ATP9B: variants seen among roughly 807,000 people sequenced by gnomAD.
ATP9B encodes ATPase phospholipid transporting 9B.
Under a neutral mutation model 146.1 loss-of-function variants are expected in ATP9B, and 110 were observed. The ratio of observed to expected loss-of-function variants is 0.75; its 90% CI spans 0.65 to 0.88. The LOEUF (loss-of-function observed/expected upper bound fraction) is 0.88. ATP9B is among the 40% of genes least tolerant of loss of function. ATP9B has a pLI of 0.00. For missense variants in ATP9B, 1,499 were observed against 1,496.4 expected, an observed-to-expected ratio of 1.00 and a Z score of -0.03; for synonymous variants, 604 against 569.7, an observed-to-expected ratio of 1.06 and a Z score of -0.86.
intron 9 of ATP9B, among the ~76,000 whole-genome samples, chr18:79,202,678 G>C (rs2095499439): frequency 6.6e-6 from 1 of 152,054 alleles, no homozygotes. Flanking sequence ...TCATGAGACT[G>C]GTAAAAAACT....
chr18:79,290,724 G>A (rs927270015), intron 13 of ATP9B, among the ~76,000 whole-genome samples: 3 of 152,250 alleles, frequency 2.0e-5, no homozygotes, highest in East Asian at 3.8e-4. Context: ...GCTGGGAGCT[G>A]TAGACTGGAG....
At chr18:79,319,912 G>T (rs777549565) in intron 15 of ATP9B, among the ~76,000 whole-genome samples, 2 of 152,080 alleles carry the variant, frequency 1.3e-5, no homozygotes, top group Non-Finnish European at 2.9e-5. Flanking sequence ...CAGGTGATTT[G>T]CATTTTATAT....
Position 79,147,392 on chromosome 18 carries a change from T to C in ATP9B, c.726+3532T>C, listed in dbSNP as rs115357663. Among the ~76,000 whole-genome samples the C allele has an allele frequency of 4.8e-3, 724 of 152,322 alleles. 5 individuals carry two copies. Among genetic ancestry groups the C allele is most frequent in the South Asian group, 0.024 (116 of 4,832 alleles). On this transcript the variant is annotated intron_variant, in intron 6 of 29. Coordinates refer to ENST00000426216, the MANE Select transcript of ATP9B (RefSeq NM_198531.5). ...GTACCTGTCAGTAGGAGAGAACACA[T>C]TTATTTCAAGTGTCTATAGAACATT... is the stretch of plus-strand genomic sequence containing the variant.
intron 12 of ATP9B, among the ~76,000 whole-genome samples, chr18:79,264,104 A>T (rs2096175869): frequency 6.6e-6 from 1 of 152,154 alleles, no homozygotes; most frequent in South Asian, 2.1e-4. Flanking sequence ...AAAAGGAAAA[A>T]AAAACATATC....
intron 5 of ATP9B, among the ~76,000 whole-genome samples, 184 bp from the exon 6 acceptor site, chr18:79,143,617 AT>A (rs2147422922): frequency 6.6e-6 from 1 of 152,318 alleles, no homozygotes; most frequent in Non-Finnish European, 1.5e-5. Context: ...ATAAAAAATT[AT>A]TTGTGTTTGG....
At chr18:79,199,459 T>A (rs1327413665) in intron 9 of ATP9B, among the ~76,000 whole-genome samples, 1 of 152,164 alleles carries the variant, frequency 6.6e-6, no homozygotes, top group East Asian at 1.9e-4. Flanking sequence ...TTAAACTTTT[T>A]TTTGTTAAAA....
rs943377721 is a variant in ATP9B at position 79,128,574 on chromosome 18, A to G, written c.667+2199A>G. Among the ~76,000 whole-genome samples, 5 of 152,294 alleles carry G rather than the reference A, an allele frequency of 3.3e-5. No homozygotes were observed. The East Asian group carries it at 9.7e-4, about 29-fold the overall frequency. On this transcript the variant is annotated intron_variant, in intron 5 of 29. Transcript: ENST00000426216. ...AGGTAAGCCTTAGTATTGGAGAAAA[A>G]AACCCCCAAATGGCCCGGTAAATTG... is the stretch of plus-strand genomic sequence containing the variant.
At chr18:79,226,079 T>A (rs1309300939) in intron 11 of ATP9B, among the ~76,000 whole-genome samples, 1 of 152,226 alleles carries the variant, frequency 6.6e-6, no homozygotes, top group Admixed American at 6.5e-5. Flanking sequence ...GAGTCCATAG[T>A]GCAGAGTTCA....
intron 17 of ATP9B, among the ~76,000 whole-genome samples, chr18:79,335,873 A>G (rs1175013323): frequency 6.6e-6 from 1 of 152,208 alleles, no homozygotes; most frequent in East Asian, 1.9e-4. Context: ...GTTTGCCCAA[A>G]AACACAAAGT....
chr18:79,377,390 G>A lies in ATP9B; in HGVS notation c.*7G>A. ...CTGCAAGCTGGCCTCCTAAGGGGCT[G>A]TGCACCCCCAGCGGGCTGGCCCCAG... On this transcript the variant is annotated 3_prime_UTR_variant, in exon 30 of 30. Coordinates refer to ENST00000426216, the MANE Select transcript of ATP9B (RefSeq NM_198531.5). 1.2e-6 allele frequency: 2 copies of A among 1,606,104 alleles called. No homozygotes were observed. The highest frequency in any genetic ancestry group is 1.1e-5 in the South Asian group (1 of 91,086).
intron 1 of ATP9B, among the ~76,000 whole-genome samples, chr18:79,076,665 T>A (rs2072656015): frequency 6.6e-6 from 1 of 152,212 alleles, no homozygotes; most frequent in African/African-American, 2.4e-5. Context: ...TAGGGTTTGC[T>A]TAGTATCCTA....
intron 26 of ATP9B, among the ~76,000 whole-genome samples, chr18:79,367,964 C>G (rs2097044954): frequency 6.6e-6 from 1 of 152,214 alleles, no homozygotes; most frequent in Non-Finnish European, 1.5e-5. Flanking sequence ...CTGTGTGGGG[C>G]CCTGGGCAGG....
At chr18:79,363,101 A>G (rs2097000189) in intron 26 of ATP9B, 1 of 152,230 alleles carries the variant, frequency 6.6e-6, no homozygotes. Flanking sequence ...ATTCCAAGGA[A>G]TCCACACACA....
chr18:79,256,272 T>TATATATATATATAC (rs1475593036), intron 12 of ATP9B, among the ~76,000 whole-genome samples: 1 of 131,504 alleles, frequency 7.6e-6, no homozygotes, highest in South Asian at 2.2e-4. Context: ...TATATATATA[T>TATATATATATATAC]ATATATATAT....
intron 11 of ATP9B, among the ~76,000 whole-genome samples, chr18:79,237,344 C>T (rs1253378827): frequency 2.7e-5 from 4 of 146,278 alleles, no homozygotes; most frequent in Non-Finnish European, 6.0e-5. Context: ...ACTGTGTGCA[C>T]GGTCCGTGCA....
At chr18:79,176,553 T>A (rs2095173373) in intron 7 of ATP9B, among the ~76,000 whole-genome samples, 1 of 152,224 alleles carries the variant, frequency 6.6e-6, no homozygotes, top group Non-Finnish European at 1.5e-5. Context: ...ATGTTAAACC[T>A]TAATAGGCAA....
intron 25 of ATP9B, among the ~76,000 whole-genome samples, chr18:79,357,492 TCCGTGTGAGGGACC>T (rs1191244918): frequency 1.0e-4 from 1 of 9,940 alleles, no homozygotes; most frequent in African/African-American, 6.4e-4. Context: ...TCTGGAGGTG[TCCGTGTGAGGGACC>T]CTGTGTGAGG....
At chr18:79,156,771 T>A (rs1051429778) in intron 7 of ATP9B, among the ~76,000 whole-genome samples, 1 of 152,234 alleles carries the variant, frequency 6.6e-6, no homozygotes, top group African/African-American at 2.4e-5. Context: ...CAAGTAATTC[T>A]GCTCTTCTTA....
At chr18:79,089,161 A>G (rs1363621076) in intron 1 of ATP9B, among the ~76,000 whole-genome samples, 3 of 152,142 alleles carry the variant, frequency 2.0e-5, no homozygotes, top group African/African-American at 7.2e-5. Context: ...GGTTCATTGT[A>G]TACTGCTCGG....
Sources: allele counts gnomAD v4.1 joint callset (sites outside exome capture counted in the v4.1 genomes callset), GRCh38; gene constraint gnomAD v4.1.1; transcripts MANE v1.5; gene names NCBI Gene and HGNC (gene_info 2026-07-23, HGNC 2026-07-21).